Variants in CCDC171 observed in about 807,000 individuals in gnomAD.
The protein encoded by CCDC171 is coiled-coil domain containing 171.
A neutral mutation model predicts 168.2 loss-of-function variants in CCDC171; 177 were observed. That is an observed-to-expected ratio of 1.05 (90% confidence interval 0.93 to 1.19). CCDC171 has a LOEUF of 1.19. Among genes scored for constraint, CCDC171 ranks in the 50% most tolerant of loss-of-function variants. CCDC171 has a pLI of 0.00. For missense variants in CCDC171, 1,991 were observed against 1,539.0 expected (o/e 1.29, Z -4.91); for synonymous variants, 687 against 540.8 (o/e 1.27, Z -3.75).
At chr9:15,777,239 G>T (rs2135382711) in intron 18 of CCDC171, among the ~76,000 whole-genome samples, 1 of 152,276 alleles carries the variant, frequency 6.6e-6, no homozygotes, top group South Asian at 2.1e-4. Context: ...TCTTGTCTGA[G>T]AATATAAATA....
intron 25 of CCDC171, among the ~76,000 whole-genome samples, chr9:15,970,845 G>C (rs1831285909): frequency 6.6e-6 from 1 of 152,138 alleles, no homozygotes; most frequent in Non-Finnish European, 1.5e-5. Flanking sequence ...AATAGAGACT[G>C]AGCACCAGGG....
the CCDC171 span, among the ~76,000 whole-genome samples, chr9:16,106,516 A>G: frequency 6.6e-6 from 1 of 151,850 alleles, no homozygotes; most frequent in African/African-American, 2.4e-5. Context: ...TCTCTCCAAA[A>G]CCCCAAAGGG....
intron 25 of CCDC171, 35 bp from the exon 26 acceptor site, chr9:15,971,574 C>T: frequency 6.8e-7 from 1 of 1,474,370 alleles, no homozygotes; most frequent in Non-Finnish European, 9.4e-7. Context: ...GTTTTCAACT[C>T]TATGTTTATT....
intron 25 of CCDC171, among the ~76,000 whole-genome samples, chr9:15,963,438 A>G (rs1830530802): frequency 6.6e-6 from 1 of 152,208 alleles, no homozygotes; most frequent in African/African-American, 2.4e-5. Context: ...TTTTGAGTGT[A>G]GCCATAGAAG....
chr9:15,642,068 G>A (rs2046652803), intron 7 of CCDC171, among the ~76,000 whole-genome samples: 1 of 151,956 alleles, frequency 6.6e-6, no homozygotes, highest in Non-Finnish European at 1.5e-5. Flanking sequence ...GGAGGCTGAG[G>A]CAGGACAATT....
the CCDC171 span, among the ~76,000 whole-genome samples, chr9:16,075,044 A>G: frequency 1.1e-4 from 17 of 152,318 alleles, no homozygotes; most frequent in African/African-American, 1.9e-4. Context: ...TATAATTTCA[A>G]TGATGGTTAC....
At chr9:15,957,380 C>T (rs901090727) in intron 25 of CCDC171, among the ~76,000 whole-genome samples, 5 of 152,252 alleles carry the variant, frequency 3.3e-5, no homozygotes, top group South Asian at 2.1e-4. Context: ...ACAAAGTTCC[C>T]GCAGACTGGA....
chr9:15,776,634 A>G (rs762907595), intron 18 of CCDC171, among the ~76,000 whole-genome samples: 3 of 152,244 alleles, frequency 2.0e-5, no homozygotes, highest in East Asian at 3.8e-4. Flanking sequence ...CTCAAATTTT[A>G]TAACAGTGTC....
intron 7 of CCDC171, among the ~76,000 whole-genome samples, chr9:15,638,987 A>G (rs1019667906): frequency 2.0e-5 from 3 of 152,126 alleles, no homozygotes; most frequent in Admixed American, 6.5e-5. Context: ...TCTGAAGATT[A>G]TGGTAGAGAG....
intron 7 of CCDC171, among the ~76,000 whole-genome samples, chr9:15,625,844 A>G (rs1301056391): frequency 2.6e-5 from 4 of 152,228 alleles, no homozygotes; most frequent in East Asian, 1.9e-4. Flanking sequence ...TTTTTTTCCA[A>G]TTCTGTGAAG....
chr9:15,800,746 C>G (rs1456487033), intron 21 of CCDC171, among the ~76,000 whole-genome samples: 7 of 151,950 alleles, frequency 4.6e-5, no homozygotes, highest in African/African-American at 1.7e-4. Context: ...ATAGTTTGAG[C>G]TGTTAGATTT....
chr9:15,699,398 G>A, intron 11 of CCDC171, among the ~76,000 whole-genome samples: 1 of 152,150 alleles, frequency 6.6e-6, no homozygotes, highest in African/African-American at 2.4e-5. Context: ...AAAGAACAAA[G>A]CTTCCACAGT....
chr9:15,963,264 T>G (rs1029361506), intron 25 of CCDC171, among the ~76,000 whole-genome samples: 7 of 152,238 alleles, frequency 4.6e-5, no homozygotes, highest in African/African-American at 1.7e-4. Context: ...CACACCATCA[T>G]GGCACATGTA....
At chr9:15,647,234 T>G (rs1202376129) in intron 7 of CCDC171, among the ~76,000 whole-genome samples, 1 of 151,982 alleles carries the variant, frequency 6.6e-6, no homozygotes, top group Non-Finnish European at 1.5e-5. Context: ...CCAGAATCTC[T>G]GGGACACATT....
intron 9 of CCDC171, among the ~76,000 whole-genome samples, chr9:15,674,698 A>T (rs936233769): frequency 4.6e-5 from 7 of 152,130 alleles, no homozygotes; most frequent in African/African-American, 1.7e-4. Flanking sequence ...CCTGAGTTCT[A>T]GTTTGATTGC....
chr9:15,958,170 A>G (rs569029578), intron 25 of CCDC171, among the ~76,000 whole-genome samples: 1 of 152,234 alleles, frequency 6.6e-6, no homozygotes, highest in South Asian at 2.1e-4. Context: ...GCAGGTGTAT[A>G]GAGTACCTGC....
At chr9:15,566,579 A>C (rs796556933) in intron 2 of CCDC171, among the ~76,000 whole-genome samples, 1 of 152,208 alleles carries the variant, frequency 6.6e-6, no homozygotes, top group Non-Finnish European at 1.5e-5. Context: ...ACAACAAAAA[A>C]TAAGATATAT....
At chr9:15,648,922 A>G (rs1261827304) in intron 7 of CCDC171, among the ~76,000 whole-genome samples, 2 of 152,212 alleles carry the variant, frequency 1.3e-5, no homozygotes, top group Non-Finnish European at 2.9e-5. Context: ...GAAACCAGAA[A>G]AGAGACCGCA....
At chr9:16,032,923 C>G (rs928911368) in intron 6 of CCDC171, among the ~76,000 whole-genome samples, 4 of 152,182 alleles carry the variant, frequency 2.6e-5, no homozygotes, top group African/African-American at 9.7e-5. Context: ...TTAATGAGCT[C>G]TAAAAGCCTT....
Sources: allele counts gnomAD v4.1 joint callset (sites outside exome capture counted in the v4.1 genomes callset), GRCh38; gene constraint gnomAD v4.1.1; transcripts MANE v1.5; gene names NCBI Gene and HGNC (gene_info 2026-07-23, HGNC 2026-07-21).